The following LIME1 variants were observed in gnomAD, a reference collection of about 807,000 sequenced individuals.
LIME1 encodes lck-interacting transmembrane adapter 1.
LIME1 carries 23 observed loss-of-function variants against 18.8 expected under a neutral mutation model. The ratio of observed to expected loss-of-function variants is 1.22; its 90% CI spans 0.88 to 1.73. The LOEUF (loss-of-function observed/expected upper bound fraction) is 1.73, where lower values mean the gene tolerates loss of function less well. Among genes scored for constraint, LIME1 ranks in the 40% most tolerant of loss-of-function variants. The pLI, the probability that LIME1 is intolerant of heterozygous loss-of-function variation, is 0.00. For synonymous variants in LIME1, 177 were observed against 182.3 expected (o/e 0.97, Z 0.23); for missense variants, 423 against 396.8 (o/e 1.07, Z -0.56).
chr20:63,736,248 T>TCC (rs2091989253), upstream of LIME1: 1 of 307,476 alleles, frequency 3.3e-6, no homozygotes, highest in South Asian at 3.5e-5. Context: ...GCCGGCATTC[T>TCC]CCCTTCTTAC....
chr20:63,738,917 G>C lies in LIME1; in HGVS notation c.*17G>C. The C allele has an allele frequency of 6.5e-7, 1 of 1,543,160 alleles. No individual in the cohort carries two copies. On this transcript the variant is annotated 3_prime_UTR_variant, in exon 6 of 6. Coordinates refer to ENST00000309546, the MANE Select transcript of LIME1 (RefSeq NM_017806.4). ...CTGCCCTGAACACTCAAGGACCTGT[G>C]CTCCTTCCTCCAGAGTGAGGCCCGT...
In LIME1 at chr20:63,738,255, A is replaced by G. The variant is rs1055096436; in HGVS notation, c.341A>G (p.Gln114Arg). The G allele has an allele frequency of 2.5e-6, 4 of 1,589,336 alleles. No individual in the cohort carries two copies. Among genetic ancestry groups the G allele is most frequent in the African/African-American group, 2.7e-5 (2 of 74,752 alleles). The change falls in exon 5 of 6, where the codon CAG becomes CGG. Residue 114 changes from glutamine (Q) to arginine (R), a missense_variant. Gln to Arg is a conservative substitution (Grantham distance 43, BLOSUM62 1). Coordinates refer to ENST00000309546, the MANE Select transcript of LIME1 (RefSeq NM_017806.4). ...GTGTCCAGGGACATCACCGGACCGC[A>G]GGCAGCCCCCTCTGCCTTCCCACAC... The part of the protein sequence containing the change: ...LEVSRDITGP[Q>R]AAPSAFPHQE...
chr20:63,737,733 G>A (rs1352289056), intron 2 of LIME1, 86 bp downstream of exon 2: 45 of 1,418,298 alleles, frequency 3.2e-5, no homozygotes, highest in Non-Finnish European at 4.0e-5. Flanking sequence ...AGGCAGGTCC[G>A]CGCACCCAGC....
In LIME1 at chr20:63,738,261, C is replaced by A; in HGVS notation, c.347C>A (p.Ala116Asp). ...AGGGACATCACCGGACCGCAGGCAG[C>A]CCCCTCTGCCTTCCCACACCAGGAG... is the stretch of plus-strand genomic sequence containing the variant. ...VSRDITGPQAAPSAFPHQELP... is the reference protein window; with the variant it reads ...VSRDITGPQADPSAFPHQELP... The change falls in exon 5 of 6, where the codon GCC becomes GAC. Residue 116 changes from alanine (A) to aspartate (D), a missense_variant. Physicochemically the swap from Ala to Asp is moderately radical, Grantham distance 126. Transcript: ENST00000309546. 2 of 1,586,924 alleles carry A rather than the reference C, an allele frequency of 1.3e-6. No homozygotes were observed. Among genetic ancestry groups the A allele is most frequent in the Non-Finnish European group, 1.7e-6 (2 of 1,171,612 alleles).
At position 63,738,712 on chromosome 20, in the gene LIME1, G is replaced by T; in HGVS notation, c.700G>T (p.Ala234Ser). Residue 234 changes from alanine (A) to serine (S), a missense_variant, in exon 6 of 6, where the codon GCC becomes TCC. Coordinates refer to ENST00000309546, the MANE Select transcript of LIME1 (RefSeq NM_017806.4). ...GAILALAGDL[A>S]YQTLPLRALD... ...GATTCTGGCCCTGGCGGGTGACCTG[G>T]CCTACCAGACCCTCCCGCTCAGGGC... is the stretch of plus-strand genomic sequence containing the variant. 1 of 1,612,894 alleles carries T rather than the reference G, an allele frequency of 6.2e-7. No homozygotes were observed. The highest frequency in any genetic ancestry group is 8.5e-7 in the Non-Finnish European group (1 of 1,179,882).
chr20:63,737,796 C>T, intron 2 of LIME1, 25 bp from the exon 3 acceptor site: 1 of 1,329,066 alleles, frequency 7.5e-7, no homozygotes, highest in Non-Finnish European at 1.0e-6. Flanking sequence ...GACCCCGCCC[C>T]CCGCCCCCCA....
In LIME1 at chr20:63,738,973, G is replaced by T; in HGVS notation, c.*73G>T. 7.3e-7 allele frequency: 1 copy of T among 1,369,628 alleles called. No individual in the cohort carries two copies. 84.8% of individuals were successfully genotyped at this position (1,369,628 alleles called of 1,614,324 possible). On this transcript the variant is annotated 3_prime_UTR_variant, in exon 6 of 6. Coordinates refer to ENST00000309546, the MANE Select transcript of LIME1 (RefSeq NM_017806.4). Reference sequence around the variant, plus strand: ...GCCCCGCCCCGCCTCACAGCTGACAGCGCCAGTCCCAGGTCCCCGGGCTGC... The same window carrying T: ...GCCCCGCCCCGCCTCACAGCTGACATCGCCAGTCCCAGGTCCCCGGGCTGC...
Position 63,738,791 on chromosome 20 carries a change from T to TG in LIME1, c.784dup (p.Asp262GlyfsTer47). On this transcript the variant is annotated frameshift_variant, in exon 6 of 6. Transcript: ENST00000309546. LOFTEE classifies it low-confidence loss of function (END_TRUNC). Reference sequence around the variant, plus strand: ...AACGTGTATGAGAGCATCCGGGAGCTGGGGGACCCTGCTGGCAGGAGCAGC... The same window carrying TG: ...AACGTGTATGAGAGCATCCGGGAGCTGGGGGGACCCTGCTGGCAGGAGCAGC... 1 of 1,612,846 alleles carries TG rather than the reference T, an allele frequency of 6.2e-7. No individual in the cohort carries two copies. Among genetic ancestry groups the TG allele is most frequent in the Non-Finnish European group, 8.5e-7 (1 of 1,179,910 alleles).
At position 63,738,002 on chromosome 20, in the gene LIME1, C is replaced by T; in HGVS notation, c.210C>T (p.Ser70=). 11 of 1,571,546 alleles carry T rather than the reference C, an allele frequency of 7.0e-6. No individual in the cohort carries two copies. The highest frequency in any genetic ancestry group is 1.7e-4 in the Middle Eastern group (1 of 5,938). Residue 70 remains serine, a synonymous_variant, in exon 4 of 6, where the codon TCC becomes TCT. Transcript: ENST00000309546. ...ASLLRRTHLC[S]LSKSDTRLHE... is the part of the protein sequence containing the mutation. ...TACTGAGGCGGACCCACCTCTGCTC[C>T]CTCAGCAAGTCGGACACCAGACTGC... is the stretch of plus-strand genomic sequence containing the variant.
chr20:63,736,100 A>T (rs1375042511), upstream of LIME1: 3 of 829,284 alleles, frequency 3.6e-6, no homozygotes, highest in African/African-American at 5.2e-5. Context: ...TGTCTTGGGC[A>T]TTTCCTTGGC....
Position 63,738,252 on chromosome 20 carries a change from C to T in LIME1, c.338C>T (p.Pro113Leu), listed in dbSNP as rs112917590. 3.6e-5 allele frequency: 57 copies of T among 1,589,618 alleles called. No individual in the cohort carries two copies. In the African/African-American group the frequency reaches 5.1e-4, roughly 14 times the overall value. The change falls in exon 5 of 6, where the codon CCG becomes CTG. Residue 113 changes from proline (P) to leucine (L), a missense_variant. Transcript: ENST00000309546. ...WLEVSRDITGPQAAPSAFPHQ... is the reference protein window; with the variant it reads ...WLEVSRDITGLQAAPSAFPHQ... ...GAGGTGTCCAGGGACATCACCGGAC[C>T]GCAGGCAGCCCCCTCTGCCTTCCCA...
intron 2 of LIME1, 85 bp downstream of exon 2, chr20:63,737,732 C>T: frequency 9.8e-6 from 14 of 1,424,456 alleles, no homozygotes; most frequent in South Asian, 1.4e-5. Context: ...GAGGCAGGTC[C>T]GCGCACCCAG....
chr20:63,737,812 A>AAC lies in LIME1; in HGVS notation c.99-9_99-8insAC. The AAC allele has an allele frequency of 2.3e-6, 3 of 1,301,686 alleles. No homozygotes were observed. Among genetic ancestry groups the AAC allele is most frequent in the Non-Finnish European group, 3.1e-6 (3 of 977,388 alleles). 80.6% of individuals were successfully genotyped at this position (1,301,686 alleles called of 1,614,324 possible). On this transcript the variant is annotated splice_polypyrimidine_tract_variant and intron_variant, in intron 2 of 5. Coordinates refer to ENST00000309546, the MANE Select transcript of LIME1 (RefSeq NM_017806.4). ...ACCCCGCCCCCCGCCCCCCACCTCT[A>AAC]CCCCCAAGGCCCGAGGACGCTGTAG...
chr20:63,738,548 A>G lies in LIME1; in HGVS notation c.585+49A>G, dbSNP rs1314186623. On this transcript the variant is annotated intron_variant, in intron 5 of 5. Transcript: ENST00000309546. ...CTGTGGGTGGGGCCGGCAGATCCTC[A>G]GCAGGTTGGATGGTGCTGACCCCTC... 1.1e-5 allele frequency: 17 copies of G among 1,513,468 alleles called. No homozygotes were observed. In the Admixed American group the frequency reaches 3.6e-4, roughly 32 times the overall value. The allele number at this position is 1,513,468 out of a possible 1,614,324, so 93.8% of individuals were successfully genotyped here.
At position 63,738,069 on chromosome 20, in the gene LIME1, AGGGCGGGGCGGGGGCGGCC is replaced by A; in HGVS notation, c.268+19_268+37del. The A allele has an allele frequency of 1.1e-6, 1 of 902,918 alleles. No homozygotes were observed. Among genetic ancestry groups the A allele is most frequent in the Non-Finnish European group, 1.5e-6 (1 of 648,862 alleles). 55.9% of individuals were successfully genotyped at this position (902,918 alleles called of 1,614,324 possible). ...CCCGCGCAGCAGCAGGGGTGAGCAG[AGGGCGGGGCGGGGGCGGCC>A]GGGCGGGGCTTACTGTGCAGCGCGT... On this transcript the variant is annotated intron_variant, in intron 4 of 5. Coordinates refer to ENST00000309546, the MANE Select transcript of LIME1 (RefSeq NM_017806.4).
chr20:63,735,859 A>G, upstream of LIME1: 1 of 1,612,888 alleles, frequency 6.2e-7, no homozygotes, highest in Non-Finnish European at 8.5e-7. Context: ...GGGCTCAGGA[A>G]GCCGGCCTGC....
At position 63,737,877 on chromosome 20, in the gene LIME1, A is replaced by C. The variant is rs572847837; in HGVS notation, c.155A>C (p.Gln52Pro). The change falls in exon 3 of 6, where the codon CAG becomes CCG. Residue 52 changes from glutamine (Q) to proline (P), a missense_variant. Coordinates refer to ENST00000309546, the MANE Select transcript of LIME1 (RefSeq NM_017806.4). ...KRARRQRARL[Q>P]GSATAAEASL... The stretch of plus-strand genomic sequence containing the variant: ...GCGCGGAGGCAGCGGGCGAGGCTGC[A>C]GGGCAGTGCGACGGCGGCGGAAGCG... The C allele has an allele frequency of 3.2e-6, 5 of 1,579,838 alleles. No individual in the cohort carries two copies. The African/African-American group carries it at 6.8e-5, about 22-fold the overall frequency.
chr20:63,738,904 C>A lies in LIME1; in HGVS notation c.*4C>A. 6.3e-7 allele frequency: 1 copy of A among 1,576,646 alleles called. No homozygotes were observed. Among genetic ancestry groups the A allele is most frequent in the Non-Finnish European group, 8.6e-7 (1 of 1,162,440 alleles). On this transcript the variant is annotated 3_prime_UTR_variant, in exon 6 of 6. Coordinates refer to ENST00000309546, the MANE Select transcript of LIME1 (RefSeq NM_017806.4). ...CCTCCCTGCCTCCCTGCCCTGAACACTCAAGGACCTGTGCTCCTTCCTCCA... is the reference window on the plus strand; with the variant it reads ...CCTCCCTGCCTCCCTGCCCTGAACAATCAAGGACCTGTGCTCCTTCCTCCA...
At position 63,737,525 on chromosome 20, in the gene LIME1, G is replaced by T; in HGVS notation, c.-17-8G>T. ...CCAGCCCCCAGCGCCCCTTTCTTCT[G>T]TCCCCAGGGCCTCGGCTTCACAGGA... On this transcript the variant is annotated splice_region_variant and splice_polypyrimidine_tract_variant and intron_variant, in intron 1 of 5. Transcript: ENST00000309546. 6.7e-7 allele frequency: 1 copy of T among 1,498,828 alleles called. No individual in the cohort carries two copies. The highest frequency in any genetic ancestry group is 8.9e-7 in the Non-Finnish European group (1 of 1,127,124). The allele number at this position is 1,498,828 out of a possible 1,614,324, so 92.8% of individuals were successfully genotyped here.
Sources: gnomAD v4.1 joint callset for allele counts on GRCh38, gnomAD v4.1.1 for gene constraint, MANE v1.5 for transcripts, NCBI Gene and HGNC (gene_info 2026-07-23, HGNC 2026-07-21) for gene names.